Variants in MID1 observed in about 807,000 individuals in gnomAD.
The protein encoded by MID1 is midline 1, also known as E3 ubiquitin-protein ligase Midline-1.
Under a neutral mutation model 40.4 loss-of-function variants are expected in MID1, and 7 were observed. The ratio of observed to expected loss-of-function variants is 0.17; its 90% CI spans 0.10 to 0.33. The LOEUF (loss-of-function observed/expected upper bound fraction) is 0.33, where lower values mean the gene tolerates loss of function less well. Ranked by LOEUF, MID1 falls within the 10% of genes least tolerant of loss-of-function variation. MID1 has a pLI of 1.00. For missense variants in MID1, 367 were observed against 558.5 expected, an observed-to-expected ratio of 0.66 and a Z score of 3.46; for synonymous variants, 229 against 221.2, an observed-to-expected ratio of 1.04 and a Z score of -0.31.
At chrX:10,463,710 T>A (rs1328045433) in intron 7 of MID1, among the ~76,000 whole-genome samples, 1 of 112,003 alleles carries the variant, frequency 8.9e-6, no homozygotes, top group Non-Finnish European at 1.9e-5. Context: ...GTGTTTACTA[T>A]TATTATCTCA....
rs770475198 is a variant in MID1, at chrX:10,762,077, T to C, written c.-187+71477A>G. ...TAAAACAATAATTACAATATTTACC[T>C]TGAAGGGTAGGAATCCATGGATAAA... is the stretch of plus-strand genomic sequence containing the variant. On this transcript the variant is annotated intron_variant, in intron 1 of 10. Transcript: ENST00000380785. Among the ~76,000 whole-genome samples, 7 of 111,811 alleles carry C rather than the reference T, an allele frequency of 6.3e-5. No individual in the cohort carries two copies. In the South Asian group the frequency reaches 2.6e-3, roughly 42 times the overall value.
At chrX:10,706,979 T>C (rs1011240443) in intron 1 of MID1, among the ~76,000 whole-genome samples, 1 of 111,849 alleles carries the variant, frequency 8.9e-6, no homozygotes, top group African/African-American at 3.2e-5. Flanking sequence ...ACTATAGCAT[T>C]ATAATTGTGT....
intron 1 of MID1, among the ~76,000 whole-genome samples, chrX:10,699,283 G>A (rs1216881257): frequency 8.9e-6 from 1 of 112,297 alleles, no homozygotes; most frequent in Non-Finnish European, 1.9e-5. Flanking sequence ...AGACTAAATT[G>A]ACAAAACGTG....
intron 1 of MID1, among the ~76,000 whole-genome samples, chrX:10,607,417 C>T (rs1935644967): frequency 8.9e-6 from 1 of 111,941 alleles, no homozygotes; most frequent in Admixed American, 9.5e-5. Context: ...AGCTAAACAT[C>T]CTACAGTGCA....
chrX:10,667,650 C>T (rs1349997879), intron 1 of MID1, among the ~76,000 whole-genome samples: 22 of 111,278 alleles, frequency 2.0e-4, no homozygotes, highest in Admixed American at 9.6e-5. Flanking sequence ...GGAGTCTTTT[C>T]GGAGACCTAG....
At chrX:10,504,468 T>C (rs1569073327) in intron 3 of MID1, among the ~76,000 whole-genome samples, 1 of 111,751 alleles carries the variant, frequency 8.9e-6, no homozygotes, top group Non-Finnish European at 1.9e-5. Context: ...TCACTATTGC[T>C]AACAAACTCT....
intron 1 of MID1, among the ~76,000 whole-genome samples, chrX:10,685,858 C>T (rs1287675813): frequency 1.0e-5 from 1 of 97,166 alleles, no homozygotes; most frequent in East Asian, 3.2e-4. Flanking sequence ...CCCCTCGGCC[C>T]CTACACCCCA....
intron 1 of MID1, among the ~76,000 whole-genome samples, chrX:10,596,313 C>A (rs374672485): frequency 1.3e-4 from 14 of 111,598 alleles, no homozygotes; most frequent in African/African-American, 4.6e-4. Context: ...CTCACCGATA[C>A]CCGCCCAAGT....
chrX:10,626,811 A>G (rs947937194), intron 1 of MID1, among the ~76,000 whole-genome samples: 13 of 112,164 alleles, frequency 1.2e-4, no homozygotes, highest in Admixed American at 3.8e-4. Flanking sequence ...ATGTTTTGGG[A>G]TCTGTGTTAC....
chrX:10,761,823 C>T (rs73484910), intron 1 of MID1, among the ~76,000 whole-genome samples: 6,768 of 111,917 alleles, frequency 0.06, 514 homozygotes, highest in African/African-American at 0.21. Flanking sequence ...GTAACTGATA[C>T]AGCATTAAGT....
intron 1 of MID1, among the ~76,000 whole-genome samples, chrX:10,636,536 TCTCAGAGCAGC>T (rs1051426478): frequency 9.2e-6 from 1 of 109,029 alleles, no homozygotes; most frequent in African/African-American, 3.3e-5. Flanking sequence ...AGGATAATGG[TCTCAGAGCAGC>T]CTCTGGTGGC....
intron 1 of MID1, among the ~76,000 whole-genome samples, chrX:10,690,272 G>C (rs1044414903): frequency 8.9e-6 from 1 of 111,994 alleles, no homozygotes; most frequent in African/African-American, 3.2e-5. Flanking sequence ...CTCTTGGCTA[G>C]CAAGTAGTAG....
At chrX:10,700,750 C>T (rs1338384412) in intron 1 of MID1, among the ~76,000 whole-genome samples, 1 of 111,537 alleles carries the variant, frequency 9.0e-6, no homozygotes, top group African/African-American at 3.3e-5. Context: ...AAAGGAGAAT[C>T]AAATTTTTGA....
intron 1 of MID1, among the ~76,000 whole-genome samples, chrX:10,570,000 C>G (rs1266807265): frequency 8.9e-6 from 1 of 112,140 alleles, no homozygotes; most frequent in Non-Finnish European, 1.9e-5. Flanking sequence ...ATCCTCCACT[C>G]AGAAGCAAGA....
chrX:10,671,396 G>C (rs2042986565), intron 1 of MID1, among the ~76,000 whole-genome samples: 1 of 112,057 alleles, frequency 8.9e-6, no homozygotes, highest in Non-Finnish European at 1.9e-5. Flanking sequence ...AGATGATAAT[G>C]TTACTAGTGT....
chrX:10,459,592 G>A (rs1928899128), intron 8 of MID1, 54 bp downstream of exon 8: 9 of 1,152,695 alleles, frequency 7.8e-6, no homozygotes, highest in East Asian at 3.0e-5. Flanking sequence ...GACAGAGTCA[G>A]CTGAAAGAAG....
intron 1 of MID1, among the ~76,000 whole-genome samples, chrX:10,759,591 G>C (rs2043661357): frequency 9.1e-6 from 1 of 110,451 alleles, no homozygotes; most frequent in Non-Finnish European, 1.9e-5. Context: ...CGGGGAGGGA[G>C]TGCCCTGATG....
At chrX:10,829,163 T>A (rs187536337) in intron 1 of MID1, among the ~76,000 whole-genome samples, 46 of 112,211 alleles carry the variant, frequency 4.1e-4, no homozygotes, top group African/African-American at 1.2e-3. Flanking sequence ...AGTACAGATA[T>A]AAATAACTGC....
intron 2 of MID1, among the ~76,000 whole-genome samples, chrX:10,556,129 C>T (rs1452888750): frequency 5.4e-5 from 6 of 111,188 alleles, no homozygotes; most frequent in Non-Finnish European, 1.1e-4. Flanking sequence ...CCCCTGAGCT[C>T]GTCTGACTAG....
Sources: allele counts gnomAD v4.1 joint callset (sites outside exome capture counted in the v4.1 genomes callset), GRCh38; gene constraint gnomAD v4.1.1; transcripts MANE v1.5; gene names NCBI Gene and HGNC (gene_info 2026-07-23, HGNC 2026-07-21).